Variants in NUGGC observed in about 807,000 individuals in gnomAD.
The protein encoded by NUGGC is nuclear GTPase, germinal center associated.
A neutral mutation model predicts 92.6 loss-of-function variants in NUGGC; 58 were observed. That is an observed-to-expected ratio of 0.63 (90% CI 0.51 to 0.78). NUGGC has a LOEUF of 0.78. NUGGC is among the 30% of genes least tolerant of loss of function. The pLI is 0.00. For synonymous variants in NUGGC, 376 were observed against 366.4 expected (o/e 1.03, Z -0.30); for missense variants, 925 against 964.6 (o/e 0.96, Z 0.54).
At position 28,041,095 on chromosome 8, in the gene NUGGC, T is replaced by C. The variant is rs1307473537; in HGVS notation, c.1567A>G (p.Thr523Ala). ...ATGCAGCGGTAAGAAGTCCTGGCGG[T>C]CCTGACCCCTTCTTGCAGAGGCTGC... is the stretch of plus-strand genomic sequence containing the variant. ...MEQPLQEGVR[T>A]ARTSYRCILR... The change falls in exon 13 of 19, where the codon ACC (threonine) becomes GCC (alanine). Residue 523 changes from threonine to alanine, a missense_variant. Physicochemically the swap from Thr to Ala is moderately conservative, Grantham distance 58 (BLOSUM62 0). Coordinates refer to ENST00000413272, the MANE Select transcript of NUGGC (RefSeq NM_001010906.2). 7.5e-6 allele frequency: 12 copies of C among 1,607,366 alleles called. No homozygotes were observed. Among genetic ancestry groups the C allele is most frequent in the Non-Finnish European group, 1.0e-5 (12 of 1,177,186 alleles).
chr8:28,078,397 T>C (rs1810772772), intron 1 of NUGGC, among the ~76,000 whole-genome samples: 1 of 151,648 alleles, frequency 6.6e-6, no homozygotes, highest in Admixed American at 6.6e-5. Flanking sequence ...CAAATGGGGG[T>C]AGTTTGGTAC....
intron 11 of NUGGC, among the ~76,000 whole-genome samples, chr8:28,046,068 T>C (rs11136028): frequency 0.26 from 39,514 of 151,840 alleles, 5,781 homozygotes; most frequent in East Asian, 0.45. Context: ...GAATAGCCCA[T>C]GCTTGCTGTA....
At chr8:28,032,903 T>C (rs1809459947) in intron 14 of NUGGC, among the ~76,000 whole-genome samples, 1 of 152,090 alleles carries the variant, frequency 6.6e-6, no homozygotes, top group Non-Finnish European at 1.5e-5. Flanking sequence ...CTCACACCAG[T>C]AATCCCAGCA....
intron 1 of NUGGC, among the ~76,000 whole-genome samples, chr8:28,078,999 T>G (rs145480523): frequency 6.6e-6 from 1 of 152,362 alleles, no homozygotes; most frequent in Non-Finnish European, 1.5e-5. Flanking sequence ...TTATTTACAT[T>G]CATGTGCACT....
chr8:28,074,669 T>A (rs1810676065), intron 1 of NUGGC, among the ~76,000 whole-genome samples: 1 of 152,254 alleles, frequency 6.6e-6, no homozygotes, highest in East Asian at 1.9e-4. Context: ...CCAGGCGCAG[T>A]GGCTCATGCC....
chr8:28,031,086 T>A (rs1809405813), intron 15 of NUGGC, among the ~76,000 whole-genome samples, 157 bp downstream of exon 15: 5 of 152,070 alleles, frequency 3.3e-5, no homozygotes, highest in Admixed American at 2.6e-4. Context: ...CGTCCCCACA[T>A]CCCACTGGGT....
chr8:28,061,631 G>T (rs1313405311), intron 7 of NUGGC, among the ~76,000 whole-genome samples: 2 of 152,112 alleles, frequency 1.3e-5, no homozygotes, highest in Non-Finnish European at 2.9e-5. Flanking sequence ...CTTTACAATG[G>T]GTTTACTGAA....
intron 2 of NUGGC, among the ~76,000 whole-genome samples, chr8:28,071,917 C>A (rs1810599988): frequency 6.6e-6 from 1 of 152,146 alleles, no homozygotes. Context: ...TCATTCCCTG[C>A]AGAATCACAG....
intron 13 of NUGGC, among the ~76,000 whole-genome samples, chr8:28,038,795 A>C (rs1172749223): frequency 6.6e-6 from 1 of 152,162 alleles, no homozygotes; most frequent in African/African-American, 2.4e-5. Flanking sequence ...TGGGTGTCAA[A>C]TTATGAAGTT....
intron 17 of NUGGC, among the ~76,000 whole-genome samples, chr8:28,027,270 A>G (rs1809290359): frequency 6.6e-6 from 1 of 152,176 alleles, no homozygotes; most frequent in African/African-American, 2.4e-5. Context: ...TCCCATCTGT[A>G]CAGCATCTCC....
intron 12 of NUGGC, 101 bp from the exon 13 acceptor site, chr8:28,041,316 G>A: frequency 8.4e-7 from 1 of 1,186,746 alleles, no homozygotes; most frequent in Non-Finnish European, 1.2e-6. Context: ...TCAAGATTCA[G>A]CTTATCACTC....
In NUGGC at chr8:28,053,101, T is replaced by G. The variant is rs1585578637; in HGVS notation, c.1206+2864A>C. On this transcript the variant is annotated intron_variant, in intron 10 of 18. Coordinates refer to ENST00000413272, the MANE Select transcript of NUGGC (RefSeq NM_001010906.2). ...TCCCACACCCAGCCAAAAAAAAAAGTGATGGAAACTCAAAGAATGCCTTAT... is the reference window on the plus strand; with the variant it reads ...TCCCACACCCAGCCAAAAAAAAAAGGGATGGAAACTCAAAGAATGCCTTAT... 2.0e-5 allele frequency among the ~76,000 whole-genome samples: 3 copies of G among 151,184 alleles called. 1 individual carries two copies. The South Asian group carries it at 6.3e-4, about 32-fold the overall frequency.
At chr8:28,033,472 T>C in intron 14 of NUGGC, 68 bp downstream of exon 14, 1 of 1,471,890 alleles carries the variant, frequency 6.8e-7, no homozygotes. Context: ...AAAGTCTAAA[T>C]TCTTAAAGAC....
At chr8:28,043,840 T>C (rs1040290270) in intron 12 of NUGGC, among the ~76,000 whole-genome samples, 1 of 152,198 alleles carries the variant, frequency 6.6e-6, no homozygotes, top group Non-Finnish European at 1.5e-5. Context: ...AAGAACTGTT[T>C]TGGGAAATTG....
intron 17 of NUGGC, among the ~76,000 whole-genome samples, chr8:28,027,570 C>CCCCTT (rs1414919523): frequency 6.6e-6 from 1 of 152,212 alleles, no homozygotes; most frequent in Non-Finnish European, 1.5e-5. Context: ...TCAACTAAAA[C>CCCCTT]CCCTTTCTTC....
At chr8:28,056,126 AT>A (rs1034551853) in intron 9 of NUGGC, 72 bp from the exon 10 acceptor site, 8 of 826,824 alleles carry the variant, frequency 9.7e-6, no homozygotes, top group African/African-American at 1.7e-5. Context: ...CAAGATGCAC[AT>A]TTTTTTGGCA....
intron 18 of NUGGC, among the ~76,000 whole-genome samples, chr8:28,024,975 A>G (rs10100441): frequency 0.024 from 3,640 of 151,912 alleles, 163 homozygotes; most frequent in African/African-American, 0.083. Flanking sequence ...CTGTCCCACC[A>G]CCCTGTCCCG....
chr8:28,048,448 CAA>C (rs10602104), intron 10 of NUGGC, among the ~76,000 whole-genome samples: 41,245 of 151,906 alleles, frequency 0.27, 5,885 homozygotes, highest in East Asian at 0.45. Flanking sequence ...TGTTTTTAAA[CAA>C]AGAGCTAGTT....
At chr8:28,083,138 G>A (rs925547407) in intron 1 of NUGGC, among the ~76,000 whole-genome samples, 6 of 152,158 alleles carry the variant, frequency 3.9e-5, no homozygotes, top group Admixed American at 6.6e-5. Context: ...AAGAGAACAC[G>A]GCGGAGATTG....
Sources: gnomAD v4.1 joint callset for allele counts (sites outside exome capture counted in the v4.1 genomes callset) on GRCh38, gnomAD v4.1.1 for gene constraint, MANE v1.5 for transcripts, NCBI Gene and HGNC (gene_info 2026-07-23, HGNC 2026-07-21) for gene names.